Variants in PHACTR1 observed in about 807,000 individuals in gnomAD.
PHACTR1 encodes the protein phosphatase and actin regulator 1, also known as RPEL repeat containing 1.
A neutral mutation model predicts 69.2 loss-of-function variants in PHACTR1; 16 were observed. The ratio of observed to expected loss-of-function variants is 0.23; its 90% CI spans 0.16 to 0.35. The LOEUF is 0.35. PHACTR1 is among the 10% of genes least tolerant of loss of function. The probability of loss-of-function intolerance (pLI) is 1.00; values close to 1 mark genes in which losing one functional copy is unlikely to be tolerated. For missense variants in PHACTR1, 510 were observed against 734.7 expected, an observed-to-expected ratio of 0.69 and a Z score of 3.54; for synonymous variants, 312 against 284.5, an observed-to-expected ratio of 1.10 and a Z score of -0.97.
chr6:12,727,187 C>A (rs1487272854), intron 3 of PHACTR1, among the ~76,000 whole-genome samples: 1 of 152,154 alleles, frequency 6.6e-6, no homozygotes, highest in Admixed American at 6.6e-5. Flanking sequence ...CACACCCAGG[C>A]TTTCCAAACC....
At chr6:12,933,361 A>C (rs1295510187) in intron 4 of PHACTR1, among the ~76,000 whole-genome samples, 1 of 152,208 alleles carries the variant, frequency 6.6e-6, no homozygotes, top group Non-Finnish European at 1.5e-5. Context: ...TAATTATATA[A>C]ATTAAAATGT....
At chr6:12,917,676 G>A (rs1401753669) in intron 4 of PHACTR1, among the ~76,000 whole-genome samples, 2 of 152,228 alleles carry the variant, frequency 1.3e-5, no homozygotes, top group East Asian at 3.9e-4. Context: ...GTTTGCTTGA[G>A]CCCAGGAGTT....
At chr6:12,836,734 C>T (rs375535622) in intron 4 of PHACTR1, among the ~76,000 whole-genome samples, 3 of 152,100 alleles carry the variant, frequency 2.0e-5, no homozygotes, top group South Asian at 4.1e-4. Flanking sequence ...ATCATGTAGA[C>T]CCAGCTACAA....
intron 4 of PHACTR1, among the ~76,000 whole-genome samples, chr6:12,795,635 A>G (rs1468627031): frequency 1.3e-5 from 2 of 152,290 alleles, no homozygotes; most frequent in East Asian, 3.9e-4. Flanking sequence ...CGAGAAGGGT[A>G]TGGAAATAGA....
At chr6:13,042,967 A>AG (rs1367445724) in intron 4 of PHACTR1, among the ~76,000 whole-genome samples, 3 of 152,226 alleles carry the variant, frequency 2.0e-5, no homozygotes, top group Non-Finnish European at 4.4e-5. Context: ...TAAGTAAAAA[A>AG]GAGAATTTAT....
rs74861293 is a variant in PHACTR1 at position 12,916,744 on chromosome 6, T to C, written c.251-136621T>C. On this transcript the variant is annotated intron_variant, in intron 4 of 14. Coordinates refer to ENST00000332995, the MANE Select transcript of PHACTR1 (RefSeq NM_030948.6). ...CTATCTTGTAGGAGACAAAAATAGATCAAAATTAAAATGCTAGATCTTCCA... is the reference window on the plus strand; with the variant it reads ...CTATCTTGTAGGAGACAAAAATAGACCAAAATTAAAATGCTAGATCTTCCA... 7.2e-3 allele frequency among the ~76,000 whole-genome samples: 1,093 copies of C among 152,198 alleles called. 18 individuals carry two copies. Among genetic ancestry groups the C allele is most frequent in the African/African-American group, 0.025 (1,043 of 41,516 alleles).
chr6:12,781,514 G>T (rs575391697), intron 4 of PHACTR1, among the ~76,000 whole-genome samples: 2 of 152,320 alleles, frequency 1.3e-5, no homozygotes, highest in East Asian at 1.9e-4. Flanking sequence ...CACTTTGAAA[G>T]AATATTTTCA....
intron 4 of PHACTR1, among the ~76,000 whole-genome samples, chr6:12,856,274 A>G (rs2127417137): frequency 8.2e-6 from 1 of 122,350 alleles, no homozygotes; most frequent in African/African-American, 3.3e-5. Context: ...TTTTTCTGAG[A>G]CAGGAGTTTC....
intron 4 of PHACTR1, among the ~76,000 whole-genome samples, chr6:12,922,201 G>A (rs1787791607): frequency 6.6e-6 from 1 of 152,026 alleles, no homozygotes; most frequent in South Asian, 2.1e-4. Context: ...ACCTCACAAA[G>A]GACTCTTCTC....
intron 10 of PHACTR1, among the ~76,000 whole-genome samples, chr6:13,251,340 A>C (rs1291653054): frequency 3.9e-5 from 6 of 152,222 alleles, no homozygotes; most frequent in Non-Finnish European, 7.3e-5. Context: ...TCTTCACTGC[A>C]GGAGTTGGTT....
intron 4 of PHACTR1, among the ~76,000 whole-genome samples, chr6:12,982,946 CT>C (rs1394082926): frequency 1.3e-5 from 2 of 152,130 alleles, no homozygotes; most frequent in African/African-American, 4.8e-5. Flanking sequence ...TGAATTTCTT[CT>C]TTGATCATTA....
intron 4 of PHACTR1, among the ~76,000 whole-genome samples, chr6:12,820,951 A>G (rs917866366): frequency 3.3e-5 from 5 of 152,164 alleles, no homozygotes; most frequent in African/African-American, 1.2e-4. Flanking sequence ...AATGAGAACA[A>G]TGCCTTTACT....
chr6:13,237,392 A>G (rs537935587), intron 10 of PHACTR1, among the ~76,000 whole-genome samples: 1 of 152,162 alleles, frequency 6.6e-6, no homozygotes, highest in African/African-American at 2.4e-5. Context: ...AAAAAATGAG[A>G]TAGGCAAAAA....
chr6:13,098,292 T>C (rs1814606087), intron 5 of PHACTR1, among the ~76,000 whole-genome samples: 1 of 152,194 alleles, frequency 6.6e-6, no homozygotes, highest in African/African-American at 2.4e-5. Flanking sequence ...GTCCTTCTTA[T>C]TTAAGGCCCT....
At chr6:12,956,363 T>G (rs1266453950) in intron 4 of PHACTR1, among the ~76,000 whole-genome samples, 1 of 152,216 alleles carries the variant, frequency 6.6e-6, no homozygotes, top group Non-Finnish European at 1.5e-5. Context: ...TAAGTTCCAC[T>G]CATGGGTCGA....
chr6:13,241,789 C>T (rs939437812), intron 10 of PHACTR1, among the ~76,000 whole-genome samples: 8 of 151,580 alleles, frequency 5.3e-5, no homozygotes, highest in South Asian at 2.1e-4. Context: ...TTTGGGAGGC[C>T]GGGGCAGGTG....
chr6:13,140,171 C>T (rs1299715009), intron 5 of PHACTR1, among the ~76,000 whole-genome samples: 1 of 104,772 alleles, frequency 9.5e-6, no homozygotes, highest in African/African-American at 3.3e-5. Flanking sequence ...AAATTTGAAC[C>T]CTTGTATACT....
At chr6:13,206,293 AG>A (rs1300658365) in intron 8 of PHACTR1, among the ~76,000 whole-genome samples, 157 bp downstream of exon 8, 1 of 152,210 alleles carries the variant, frequency 6.6e-6, no homozygotes. Flanking sequence ...TGAAGGTCAA[AG>A]CATGGAAAAA....
At chr6:12,797,640 C>T (rs184123841) in intron 4 of PHACTR1, among the ~76,000 whole-genome samples, 80 of 152,242 alleles carry the variant, frequency 5.3e-4, no homozygotes, top group Middle Eastern at 3.4e-3. Context: ...CTCCCATGGC[C>T]GGTGGAGACT....
Sources: allele counts gnomAD v4.1 joint callset (sites outside exome capture counted in the v4.1 genomes callset), GRCh38; gene constraint gnomAD v4.1.1; transcripts MANE v1.5; gene names NCBI Gene and HGNC (gene_info 2026-07-23, HGNC 2026-07-21).